The following NBEA variants were observed in gnomAD, a reference collection of about 807,000 sequenced individuals.
NBEA encodes the protein neurobeachin, also known as lysosomal-trafficking regulator 2.
NBEA carries 44 observed loss-of-function variants against 343.4 expected under a neutral mutation model. The observed-to-expected ratio is 0.13, with a 90% CI of 0.10 to 0.16. NBEA has a LOEUF of 0.16. Among genes scored for constraint, NBEA ranks in the 10% least tolerant of loss-of-function variants. The pLI is 1.00. For missense variants in NBEA, 2,555 were observed against 3,631.3 expected (o/e 0.70, Z 7.62); for synonymous variants, 1,175 against 1,238.7 (o/e 0.95, Z 1.08).
chr13:35,610,988 T>A (rs1055178567), intron 48 of NBEA, among the ~76,000 whole-genome samples: 39 of 151,348 alleles, frequency 2.6e-4, no homozygotes, highest in Non-Finnish European at 3.8e-4. Context: ...ATTAATCAAA[T>A]TGAAACCACA....
At chr13:35,076,243 A>T (rs1373959285) in intron 10 of NBEA, among the ~76,000 whole-genome samples, 2 of 151,902 alleles carry the variant, frequency 1.3e-5, no homozygotes, top group African/African-American at 4.8e-5. Flanking sequence ...GTTTGCCTTT[A>T]AAAAAATTGC....
intron 38 of NBEA, among the ~76,000 whole-genome samples, chr13:35,413,895 AC>A (rs1431195533): frequency 6.6e-6 from 1 of 152,158 alleles, no homozygotes; most frequent in Non-Finnish European, 1.5e-5. Flanking sequence ...ATGATACCAC[AC>A]TCACCTTCCT....
At chr13:35,467,503 A>G (rs2075438768) in intron 40 of NBEA, among the ~76,000 whole-genome samples, 1 of 152,014 alleles carries the variant, frequency 6.6e-6, no homozygotes, top group East Asian at 1.9e-4. Flanking sequence ...GCAGTGACAG[A>G]TATTTTAGAT....
intron 47 of NBEA, among the ~76,000 whole-genome samples, chr13:35,597,690 G>C (rs1304533168): frequency 1.3e-5 from 2 of 152,158 alleles, no homozygotes; most frequent in African/African-American, 4.8e-5. Context: ...GAGGAAGCCA[G>C]TACTAGCACA....
intron 47 of NBEA, among the ~76,000 whole-genome samples, chr13:35,603,754 T>C (rs1432970962): frequency 6.6e-6 from 1 of 152,192 alleles, no homozygotes; most frequent in Non-Finnish European, 1.5e-5. Context: ...GTGAGTCTAG[T>C]ACATATAAAT....
intron 35 of NBEA, among the ~76,000 whole-genome samples, chr13:35,292,750 A>T (rs1594101154): frequency 6.6e-6 from 1 of 152,058 alleles, no homozygotes; most frequent in Non-Finnish European, 1.5e-5. Context: ...ACAGTGAGAA[A>T]TCCAACTAAG....
At chr13:35,419,313 G>A (rs1348330053) in intron 38 of NBEA, among the ~76,000 whole-genome samples, 1 of 152,002 alleles carries the variant, frequency 6.6e-6, no homozygotes, top group Non-Finnish European at 1.5e-5. Context: ...ATAGAACAGT[G>A]CCTTCTCCCT....
intron 41 of NBEA, among the ~76,000 whole-genome samples, chr13:35,485,324 T>G (rs1278576217): frequency 6.6e-6 from 1 of 152,008 alleles, no homozygotes; most frequent in Non-Finnish European, 1.5e-5. Flanking sequence ...TATACTTAAT[T>G]AATCACCCAG....
chr13:35,135,757 T>A (rs1347799713), intron 17 of NBEA, among the ~76,000 whole-genome samples: 1 of 151,788 alleles, frequency 6.6e-6, no homozygotes, highest in Non-Finnish European at 1.5e-5. Flanking sequence ...AAACACATCC[T>A]GATATACGTG....
At chr13:35,020,486 A>G (rs1191998854) in intron 1 of NBEA, among the ~76,000 whole-genome samples, 3 of 152,124 alleles carry the variant, frequency 2.0e-5, no homozygotes, top group African/African-American at 7.2e-5. Flanking sequence ...CCCAATAACA[A>G]TTTAGTAAAG....
At chr13:35,286,813 G>A (rs542904724) in intron 34 of NBEA, among the ~76,000 whole-genome samples, 1 of 151,742 alleles carries the variant, frequency 6.6e-6, no homozygotes, top group Non-Finnish European at 1.5e-5. Context: ...TTTTTTAGTG[G>A]GGAGGGAGTG....
intron 35 of NBEA, among the ~76,000 whole-genome samples, chr13:35,299,518 C>G (rs1174218440): frequency 6.6e-6 from 1 of 152,104 alleles, no homozygotes; most frequent in Non-Finnish European, 1.5e-5. Context: ...TTCAAAGGGT[C>G]CTTAACATGA....
At chr13:35,410,212 T>C (rs2043501180) in intron 38 of NBEA, among the ~76,000 whole-genome samples, 2 of 152,156 alleles carry the variant, frequency 1.3e-5, no homozygotes, top group Admixed American at 1.3e-4. Flanking sequence ...TTTCCTTCCA[T>C]GTTTAGCAAT....
At chr13:34,984,792 T>A (rs1329644613) in intron 1 of NBEA, among the ~76,000 whole-genome samples, 1 of 150,944 alleles carries the variant, frequency 6.6e-6, no homozygotes, top group Non-Finnish European at 1.5e-5. Flanking sequence ...TTTATTCTCA[T>A]TGTAGCAATT....
At chr13:35,482,742 G>A (rs1002233880) in intron 41 of NBEA, among the ~76,000 whole-genome samples, 13 of 151,244 alleles carry the variant, frequency 8.6e-5, no homozygotes, top group Admixed American at 6.6e-5. Flanking sequence ...TAGATATGTC[G>A]ATGTGTACTT....
Position 35,352,175 on chromosome 13 carries a change from G to A in NBEA, c.6031G>A (p.Ala2011Thr). The A allele has an allele frequency of 6.7e-7, 1 of 1,499,200 alleles. No homozygotes were observed. The highest frequency in any genetic ancestry group is 1.9e-5 in the Admixed American group (1 of 51,406). 92.9% of individuals were successfully genotyped at this position (1,499,200 alleles called of 1,614,324 possible). A position where few individuals can be genotyped will look rare whatever the true frequency, so the allele number is the denominator to read the frequency against. The stretch of plus-strand genomic sequence containing the variant: ...TTTATAGTCACAGTGTGCCCAATAT[G>A]CTGCTGATAGAAGAGAGGAAGAAAA... ...AEFESQCAQY[A>T]ADRREEEKMC... Residue 2011 changes from alanine (A) to threonine (T), a missense_variant, in exon 38 of 59, where the codon GCT (alanine) becomes ACT (threonine). Coordinates refer to ENST00000379939, the MANE Select transcript of NBEA (RefSeq NM_001385012.1).
chr13:35,475,665 C>T lies in NBEA; in HGVS notation c.6585+3129C>T, dbSNP rs771751099. The T allele has an allele frequency of 2.2e-5, 36 of 1,613,810 alleles. No homozygotes were observed. In the Admixed American group the frequency reaches 3.7e-4, roughly 16 times the overall value. The stretch of plus-strand genomic sequence containing the variant: ...CGTACCTATCTCGGATTCTCAGTTT[C>T]ACTTCGCTGGTGTCTGCCACCATCT... On this transcript the variant is annotated intron_variant, in intron 41 of 58. Transcript: ENST00000379939.
rs538258720 is a variant in NBEA, at chr13:35,236,581, G to A, written c.5776+3962G>A. Among the ~76,000 whole-genome samples the A allele has an allele frequency of 1.1e-4, 16 of 151,940 alleles. 1 individual carries two copies. The highest frequency in any genetic ancestry group is 3.4e-4 in the African/African-American group (14 of 41,456). ...CCTGCCTCAGCCTCCCAAGTAGCTG[G>A]GACTGCAGGTGCCTGCCACCACGCC... On this transcript the variant is annotated intron_variant, in intron 34 of 58. Transcript: ENST00000379939.
chr13:35,490,955 T>C (rs974903900), intron 41 of NBEA, among the ~76,000 whole-genome samples: 6 of 151,952 alleles, frequency 3.9e-5, no homozygotes, highest in African/African-American at 1.4e-4. Flanking sequence ...GTTTGTCTTG[T>C]CATCTGTAGA....
Sources: allele counts gnomAD v4.1 joint callset (sites outside exome capture counted in the v4.1 genomes callset), GRCh38; gene constraint gnomAD v4.1.1; transcripts MANE v1.5; gene names NCBI Gene and HGNC (gene_info 2026-07-23, HGNC 2026-07-21).